The following GPHN variants were observed in gnomAD, a reference collection of about 807,000 sequenced individuals.
GPHN encodes gephyrin.
In GPHN, 17 loss-of-function variants were observed where a neutral mutation model predicts 95.5. The ratio of observed to expected loss-of-function variants is 0.18; its 90% CI spans 0.12 to 0.27. The LOEUF is 0.27. GPHN is among the 10% of genes least tolerant of loss of function. The pLI is 1.00. For missense variants in GPHN, 660 were observed against 978.1 expected (o/e 0.67, Z 4.34); for synonymous variants, 320 against 322.5 (o/e 0.99, Z 0.08).
chr14:67,320,505 T>A, the GPHN span: 1 of 1,050,536 alleles, frequency 9.5e-7, no homozygotes, highest in Non-Finnish European at 1.3e-6. Flanking sequence ...AACACTGTTG[T>A]CAGTGAAAGA....
chr14:67,322,704 G>A, the GPHN span, among the ~76,000 whole-genome samples: 1 of 152,052 alleles, frequency 6.6e-6, no homozygotes, highest in African/African-American at 2.4e-5. Flanking sequence ...TATTATTTGG[G>A]CAAACAGGTT....
At chr14:66,958,580 C>T (rs994375889) in intron 8 of GPHN, among the ~76,000 whole-genome samples, 4 of 152,134 alleles carry the variant, frequency 2.6e-5, no homozygotes, top group African/African-American at 9.7e-5. Context: ...AGGCTGCAAA[C>T]CTGTACAGCA....
chr14:66,769,570 T>C (rs902811195), intron 2 of GPHN, among the ~76,000 whole-genome samples: 2 of 152,138 alleles, frequency 1.3e-5, no homozygotes, highest in Non-Finnish European at 2.9e-5. Flanking sequence ...AATTAGAACA[T>C]GTGGTATTTG....
At chr14:67,298,122 T>C in the GPHN span, among the ~76,000 whole-genome samples, 10 of 152,140 alleles carry the variant, frequency 6.6e-5, no homozygotes, top group African/African-American at 1.9e-4. Context: ...TGATGGTCCT[T>C]AGATTTAATA....
the GPHN span, among the ~76,000 whole-genome samples, chr14:67,644,055 C>G: frequency 6.6e-6 from 1 of 152,086 alleles, no homozygotes; most frequent in Non-Finnish European, 1.5e-5. Flanking sequence ...GTTTGGGGAC[C>G]ACTGATCAAT....
the GPHN span, among the ~76,000 whole-genome samples, chr14:67,474,914 C>CT: frequency 0.31 from 38,691 of 124,770 alleles, 7,134 homozygotes; most frequent in African/African-American, 0.46. Context: ...GAATTTCCTT[C>CT]TTTTTTTTTT....
chr14:66,714,627 T>A (rs1291979060), intron 2 of GPHN, among the ~76,000 whole-genome samples: 2 of 152,216 alleles, frequency 1.3e-5, no homozygotes, highest in East Asian at 3.8e-4. Context: ...CATAGATGGC[T>A]TTTATTACAT....
intron 11 of GPHN, among the ~76,000 whole-genome samples, chr14:67,067,457 C>T (rs994103971): frequency 1.3e-5 from 2 of 152,288 alleles, no homozygotes; most frequent in East Asian, 1.9e-4. Flanking sequence ...GCTCAAACGA[C>T]GTGCTGGTAG....
chr14:66,970,789 C>T (rs2069704370), intron 9 of GPHN, among the ~76,000 whole-genome samples: 1 of 152,190 alleles, frequency 6.6e-6, no homozygotes, highest in Non-Finnish European at 1.5e-5. Flanking sequence ...ATACCGTCAA[C>T]ACACAACAAA....
At chr14:67,402,091 G>A in the GPHN span, among the ~76,000 whole-genome samples, 10 of 152,108 alleles carry the variant, frequency 6.6e-5, no homozygotes. Flanking sequence ...AGATGACAGT[G>A]CCACTGCACT....
the GPHN span, among the ~76,000 whole-genome samples, chr14:67,640,377 GA>G: frequency 6.6e-6 from 1 of 152,052 alleles, no homozygotes; most frequent in Non-Finnish European, 1.5e-5. Flanking sequence ...GGCTGGGGAG[GA>G]AAAAAAGAAT....
chr14:67,333,317 A>G, the GPHN span: 1 of 166,898 alleles, frequency 6.0e-6, no homozygotes. Flanking sequence ...GTCTCACACA[A>G]ATATTGATGT....
At chr14:67,147,775 A>G (rs1306078659) in intron 18 of GPHN, among the ~76,000 whole-genome samples, 1 of 152,190 alleles carries the variant, frequency 6.6e-6, no homozygotes, top group Non-Finnish European at 1.5e-5. Context: ...ACTTCCCGTA[A>G]AGCAAACAAT....
chr14:67,367,706 G>T, the GPHN span, among the ~76,000 whole-genome samples: 1 of 148,232 alleles, frequency 6.7e-6, no homozygotes, highest in Non-Finnish European at 1.5e-5. Context: ...GCGTGGTGGT[G>T]CACCCTGTAG....
chr14:67,690,376 G>C, the GPHN span: 1 of 1,614,184 alleles, frequency 6.2e-7, no homozygotes, highest in South Asian at 1.1e-5. Flanking sequence ...TGATGGGGCT[G>C]ATTCCTTTAG....
chr14:67,224,927 A>G, the GPHN span: 2 of 477,524 alleles, frequency 4.2e-6, no homozygotes, highest in Admixed American at 4.2e-5. Flanking sequence ...ATTCAACAAT[A>G]AGCTCCATTG....
At chr14:67,406,759 C>T in the GPHN span, among the ~76,000 whole-genome samples, 227 of 152,272 alleles carry the variant, frequency 1.5e-3, 1 homozygote, top group African/African-American at 5.1e-3. Flanking sequence ...AAAGCACCAC[C>T]GGTTCTGCTC....
At chr14:66,572,243 T>C (rs1425675244) in intron 1 of GPHN, among the ~76,000 whole-genome samples, 1 of 152,240 alleles carries the variant, frequency 6.6e-6, no homozygotes, top group African/African-American at 2.4e-5. Context: ...TTAAGGTCTT[T>C]GGTCGTTCCA....
At chr14:67,126,995 G>C (rs1165272198) in intron 17 of GPHN, among the ~76,000 whole-genome samples, 1 of 151,168 alleles carries the variant, frequency 6.6e-6, no homozygotes, top group Admixed American at 6.6e-5. Flanking sequence ...CTATCGCAAG[G>C]ACAAAAAACC....
Sources: gnomAD v4.1 joint callset for allele counts (sites outside exome capture counted in the v4.1 genomes callset) on GRCh38, gnomAD v4.1.1 for gene constraint, MANE v1.5 for transcripts, NCBI Gene and HGNC (gene_info 2026-07-23, HGNC 2026-07-21) for gene names.